ZNF385D: variants seen among roughly 807,000 people sequenced by gnomAD.
The protein encoded by ZNF385D is zinc finger protein 659.
ZNF385D carries 15 observed loss-of-function variants against 35.8 expected under a neutral mutation model. That is an observed-to-expected ratio of 0.42 (90% confidence interval 0.28 to 0.64). ZNF385D has a LOEUF of 0.64. ZNF385D is among the 30% of genes least tolerant of loss of function. The probability of loss-of-function intolerance (pLI) is 0.23; values close to 1 mark genes in which losing one functional copy is unlikely to be tolerated. For missense variants in ZNF385D, 474 were observed against 494.6 expected, an observed-to-expected ratio of 0.96 and a Z score of 0.39; for synonymous variants, 212 against 186.8, an observed-to-expected ratio of 1.13 and a Z score of -1.10.
chr3:21,441,647 AG>A, intron 4 of ZNF385D: 3 of 974,338 alleles, frequency 3.1e-6, no homozygotes, highest in Non-Finnish European at 3.7e-6. Context: ...ATCATTTAGA[AG>A]GAGGAAAGAA....
At chr3:22,270,953 C>A (rs1231402226) in intron 2 of ZNF385D, among the ~76,000 whole-genome samples, 28 of 151,946 alleles carry the variant, frequency 1.8e-4, no homozygotes. Flanking sequence ...CCAAGTGTAT[C>A]TTTTGCTGCT....
chr3:22,242,499 A>C (rs927852116), intron 2 of ZNF385D, among the ~76,000 whole-genome samples: 1 of 150,956 alleles, frequency 6.6e-6, no homozygotes, highest in Non-Finnish European at 1.5e-5. Flanking sequence ...CCCCGAAATC[A>C]ATAATTCCAA....
At position 21,502,018 on chromosome 3, in the gene ZNF385D, T is replaced by C. The variant is rs564449984; in HGVS notation, c.439+8843A>G. 2.7e-4 allele frequency among the ~76,000 whole-genome samples: 41 copies of C among 152,326 alleles called. No homozygotes were observed. The South Asian group carries it at 8.3e-3, about 31-fold the overall frequency. On this transcript the variant is annotated intron_variant, in intron 4 of 7. Coordinates refer to ENST00000281523, the MANE Select transcript of ZNF385D (RefSeq NM_024697.3). The stretch of plus-strand genomic sequence containing the variant: ...TACACATACTCACATGCATATGCAC[T>C]GAAGGAGTTCAGCAAATGCCACCCC...
intron 4 of ZNF385D, among the ~76,000 whole-genome samples, chr3:21,488,484 A>T (rs1372203671): frequency 1.3e-5 from 2 of 152,136 alleles, no homozygotes; most frequent in Non-Finnish European, 2.9e-5. Flanking sequence ...AAAGCATGCC[A>T]GTTCCACCAG....
intron 2 of ZNF385D, among the ~76,000 whole-genome samples, chr3:22,371,249 G>A (rs148060932): frequency 6.6e-6 from 1 of 152,074 alleles, no homozygotes; most frequent in Non-Finnish European, 1.5e-5. Context: ...AGAAAACATC[G>A]TGAACCGGAA....
chr3:22,172,936 A>C (rs1052301848), intron 2 of ZNF385D, among the ~76,000 whole-genome samples: 1 of 152,204 alleles, frequency 6.6e-6, no homozygotes, highest in Non-Finnish European at 1.5e-5. Context: ...TGTGGTACAG[A>C]AAGAGGAGAA....
chr3:21,830,302 C>T (rs1694906317), intron 3 of ZNF385D, among the ~76,000 whole-genome samples: 1 of 152,112 alleles, frequency 6.6e-6, no homozygotes, highest in Non-Finnish European at 1.5e-5. Context: ...TAAGCAGTTT[C>T]TTTGACTGAT....
intron 2 of ZNF385D, among the ~76,000 whole-genome samples, chr3:22,273,861 CAGGAA>C (rs1194358907): frequency 1.3e-5 from 2 of 151,868 alleles, no homozygotes; most frequent in Non-Finnish European, 2.9e-5. Flanking sequence ...CCCATAGAAT[CAGGAA>C]AGGCAAAAAG....
intron 2 of ZNF385D, among the ~76,000 whole-genome samples, chr3:22,281,477 G>A (rs1457344210): frequency 3.3e-5 from 5 of 152,008 alleles, no homozygotes; most frequent in African/African-American, 1.2e-4. Flanking sequence ...GGCTTTTTCT[G>A]TGTCTATTGA....
At chr3:21,481,268 T>C (rs183517514) in intron 4 of ZNF385D, among the ~76,000 whole-genome samples, 1 of 152,210 alleles carries the variant, frequency 6.6e-6, no homozygotes, top group Non-Finnish European at 1.5e-5. Flanking sequence ...AAAAAGATTA[T>C]GCAAAAGTCC....
intron 4 of ZNF385D, among the ~76,000 whole-genome samples, chr3:21,438,342 A>G (rs746599267): frequency 5.3e-5 from 8 of 152,112 alleles, no homozygotes; most frequent in Non-Finnish European, 1.0e-4. Context: ...TATGGTCACT[A>G]TCTAATGCTA....
chr3:22,123,482 G>T (rs1180838050), intron 3 of ZNF385D, among the ~76,000 whole-genome samples: 1 of 152,112 alleles, frequency 6.6e-6, no homozygotes, highest in Non-Finnish European at 1.5e-5. Flanking sequence ...ATTACCTCAA[G>T]CATTTATCAT....
At chr3:22,242,012 G>A (rs2125315039) in intron 2 of ZNF385D, among the ~76,000 whole-genome samples, 2 of 150,256 alleles carry the variant, frequency 1.3e-5, no homozygotes, top group East Asian at 4.0e-4. Flanking sequence ...ACTCATAGGT[G>A]GGAATTGAAC....
intron 3 of ZNF385D, among the ~76,000 whole-genome samples, chr3:22,154,000 G>A (rs1334311491): frequency 2.0e-5 from 3 of 152,064 alleles, no homozygotes; most frequent in African/African-American, 7.2e-5. Context: ...TTTAGTTTTA[G>A]CATCCAGTCC....
At chr3:21,862,006 T>C (rs553913632) in intron 3 of ZNF385D, among the ~76,000 whole-genome samples, 25 of 152,264 alleles carry the variant, frequency 1.6e-4, no homozygotes, top group African/African-American at 5.5e-4. Context: ...ACTAACGCTC[T>C]ATCATCTGGT....
intron 3 of ZNF385D, among the ~76,000 whole-genome samples, chr3:21,848,228 T>C (rs563297264): frequency 4.6e-5 from 7 of 152,024 alleles, no homozygotes; most frequent in Non-Finnish European, 7.4e-5. Flanking sequence ...GTATACCACA[T>C]TTTCTTTATT....
intron 3 of ZNF385D, among the ~76,000 whole-genome samples, chr3:22,159,545 A>G (rs1705810330): frequency 1.3e-5 from 2 of 152,044 alleles, no homozygotes; most frequent in Admixed American, 6.6e-5. Context: ...CTGTGTTGCA[A>G]AAGACAGTGC....
intron 3 of ZNF385D, among the ~76,000 whole-genome samples, chr3:21,526,651 G>A (rs1246639079): frequency 6.6e-6 from 1 of 152,174 alleles, no homozygotes; most frequent in Non-Finnish European, 1.5e-5. Context: ...ACAGATAGGA[G>A]GGTGTAGAAG....
intron 2 of ZNF385D, among the ~76,000 whole-genome samples, chr3:21,633,101 AT>A (rs1301654667): frequency 5.3e-5 from 8 of 152,162 alleles, no homozygotes; most frequent in African/African-American, 9.6e-5. Context: ...AAAAATTATC[AT>A]TTTTTTAGCT....
Sources: gnomAD v4.1 joint callset for allele counts (sites outside exome capture counted in the v4.1 genomes callset) on GRCh38, gnomAD v4.1.1 for gene constraint, MANE v1.5 for transcripts, NCBI Gene and HGNC (gene_info 2026-07-23, HGNC 2026-07-21) for gene names.